Variants in CLTB observed in about 807,000 individuals in gnomAD.
CLTB encodes the protein clathrin light chain B.
Under a neutral mutation model 30.5 loss-of-function variants are expected in CLTB, and 10 were observed. That is an observed-to-expected ratio of 0.33 (90% confidence interval 0.20 to 0.56). The LOEUF (loss-of-function observed/expected upper bound fraction) is 0.56, where lower values mean the gene tolerates loss of function less well. Ranked by LOEUF, CLTB falls within the 20% of genes least tolerant of loss-of-function variation. CLTB has a pLI of 0.91. For missense variants in CLTB, 261 were observed against 308.3 expected, an observed-to-expected ratio of 0.85 and a Z score of 1.15; for synonymous variants, 102 against 120.3, an observed-to-expected ratio of 0.85 and a Z score of 1.00.
chr5:176,408,083 C>A (rs1757223908), intron 2 of CLTB, among the ~76,000 whole-genome samples: 1 of 151,972 alleles, frequency 6.6e-6, no homozygotes, highest in South Asian at 2.1e-4. Context: ...GGCTGGGGGG[C>A]CGAGGTGAGG....
At chr5:176,394,199 G>A (rs978575446) in intron 5 of CLTB, among the ~76,000 whole-genome samples, 3 of 152,180 alleles carry the variant, frequency 2.0e-5, no homozygotes, top group African/African-American at 7.2e-5. Flanking sequence ...AGCTATCCTC[G>A]GAGCTGTCCC....
Position 176,393,893 on chromosome 5 carries a change from C to T in CLTB, c.519-948G>A, listed in dbSNP as rs938430497. Among the ~76,000 whole-genome samples, 2 of 152,108 alleles carry T rather than the reference C, an allele frequency of 1.3e-5. No homozygotes were observed. Among genetic ancestry groups the T allele is most frequent in the Non-Finnish European group, 1.5e-5 (1 of 68,024 alleles). Reference sequence around the variant, plus strand: ...CTGGGTCTATGTCCTGTTTGGCCAGCGAGGGTCGCTCACAAGTCCCTGGAA... The same window carrying T: ...CTGGGTCTATGTCCTGTTTGGCCAGTGAGGGTCGCTCACAAGTCCCTGGAA... On this transcript the variant is annotated intron_variant, in intron 5 of 5. Coordinates refer to ENST00000310418, the MANE Select transcript of CLTB (RefSeq NM_007097.5). This position sits in a 1 kb window ranked among gnomAD's most constrained non-coding sequence, Gnocchi z 4.4.
chr5:176,415,560 C>T (rs771979741), intron 1 of CLTB, among the ~76,000 whole-genome samples: 4 of 152,150 alleles, frequency 2.6e-5, no homozygotes, highest in Non-Finnish European at 4.4e-5. Context: ...GAAAAAGAAA[C>T]AGGTTTAAAT....
chr5:176,408,992 T>C (rs1757282523), intron 2 of CLTB, among the ~76,000 whole-genome samples: 1 of 152,204 alleles, frequency 6.6e-6, no homozygotes, highest in Non-Finnish European at 1.5e-5. Context: ...TTTTATTTTT[T>C]TGAGATAGAG....
chr5:176,413,989 G>A (rs938479712), intron 1 of CLTB, among the ~76,000 whole-genome samples: 4 of 152,184 alleles, frequency 2.6e-5, no homozygotes, highest in Non-Finnish European at 4.4e-5. Context: ...CCCCTGCCAA[G>A]GACAGAACTT....
chr5:176,415,544 G>A (rs1757650942), intron 1 of CLTB, among the ~76,000 whole-genome samples: 1 of 152,156 alleles, frequency 6.6e-6, no homozygotes, highest in African/African-American at 2.4e-5. Context: ...AAATATATAT[G>A]TAAAAGAAAA....
chr5:176,409,166 C>T (rs984156195), intron 2 of CLTB, among the ~76,000 whole-genome samples: 4 of 151,622 alleles, frequency 2.6e-5, no homozygotes, highest in Non-Finnish European at 4.4e-5. Flanking sequence ...AGTAGAGGTG[C>T]GGTTTCACCG....
At chr5:176,405,300 C>T (rs1030842008) in intron 2 of CLTB, among the ~76,000 whole-genome samples, 2 of 151,862 alleles carry the variant, frequency 1.3e-5, no homozygotes, top group African/African-American at 4.8e-5. Context: ...ACCAGCCTGG[C>T]CAATATAGCG....
chr5:176,393,046 C>T lies in CLTB; in HGVS notation c.519-101G>A. ...CCCAGCCTACTCTGGGGCACTGTGT[C>T]CTCCCCAGCCTTGTGCCCCCCTGAC... On this transcript the variant is annotated intron_variant, in intron 5 of 5. Coordinates refer to ENST00000310418, the MANE Select transcript of CLTB (RefSeq NM_007097.5). The surrounding 1 kb of genome is among the most constrained non-coding windows in gnomAD (Gnocchi z 4.4). 1 of 1,306,626 alleles carries T rather than the reference C, an allele frequency of 7.7e-7. No individual in the cohort carries two copies. The highest frequency in any genetic ancestry group is 1.3e-5 in the South Asian group (1 of 78,728). The allele number at this position is 1,306,626 out of a possible 1,614,324, so 80.9% of individuals were successfully genotyped here. A position where few individuals can be genotyped will look rare whatever the true frequency, so the allele number is the denominator to read the frequency against.
At chr5:176,401,147 C>G (rs1316567106) in intron 2 of CLTB, among the ~76,000 whole-genome samples, 1 of 152,238 alleles carries the variant, frequency 6.6e-6, no homozygotes, top group East Asian at 1.9e-4. Flanking sequence ...ACTGCTGCTC[C>G]TTTCTGGGAA....
intron 2 of CLTB, among the ~76,000 whole-genome samples, chr5:176,404,380 T>C (rs1417966334): frequency 6.6e-6 from 1 of 152,246 alleles, no homozygotes; most frequent in East Asian, 1.9e-4. Flanking sequence ...CGTCCGGGGC[T>C]GCAGAGCACT....
chr5:176,412,623 T>C (rs1045952846), intron 1 of CLTB, among the ~76,000 whole-genome samples: 2 of 152,148 alleles, frequency 1.3e-5, no homozygotes, highest in African/African-American at 4.8e-5. Context: ...CGACAGTGTG[T>C]TTGGCCTGGG....
chr5:176,398,079 C>A (rs1392744258), intron 2 of CLTB, 32 bp from the exon 3 acceptor site: 4 of 1,588,740 alleles, frequency 2.5e-6, no homozygotes, highest in Non-Finnish European at 3.5e-6. Flanking sequence ...GTCTATCCAG[C>A]CAGCACACCT....
intron 5 of CLTB, among the ~76,000 whole-genome samples, chr5:176,394,157 C>T (rs748561981): frequency 1.2e-4 from 19 of 152,296 alleles, no homozygotes; most frequent in Non-Finnish European, 2.2e-4. Context: ...GAAAGTGCTG[C>T]GTGGAGCTGG....
Position 176,397,735 on chromosome 5 carries a change from G to T in CLTB, c.353-17C>A. 6.2e-7 allele frequency: 1 copy of T among 1,606,326 alleles called. No homozygotes were observed. The highest frequency in any genetic ancestry group is 8.5e-7 in the Non-Finnish European group (1 of 1,173,068). On this transcript the variant is annotated splice_polypyrimidine_tract_variant and intron_variant, in intron 3 of 5. Transcript: ENST00000310418. The stretch of plus-strand genomic sequence containing the variant: ...ATGCAGCATCTAGGACCCCACAAGA[G>T]AATGAGTGGCTGCTTTCCAGCTGGG...
Position 176,416,376 on chromosome 5 carries a change from T to A in CLTB, c.-13A>T. 1.3e-6 allele frequency: 2 copies of A among 1,584,020 alleles called. 1 individual carries two copies. Among genetic ancestry groups the A allele is most frequent in the South Asian group, 2.3e-5 (2 of 88,598 alleles). On this transcript the variant is annotated 5_prime_UTR_variant, in exon 1 of 6. Coordinates refer to ENST00000310418, the MANE Select transcript of CLTB (RefSeq NM_007097.5). ...AGTCATCAGCCATTTTCCCCGCGCC[T>A]CCGCCGGAGCCTCCGCTGCGCTCGG... is the stretch of plus-strand genomic sequence containing the variant.
At position 176,410,244 on chromosome 5, in the gene CLTB, G is replaced by C. The variant is rs778872519; in HGVS notation, c.234+13C>G. The C allele has an allele frequency of 6.2e-7, 1 of 1,613,398 alleles. No homozygotes were observed. Among genetic ancestry groups the C allele is most frequent in the Non-Finnish European group, 8.5e-7 (1 of 1,179,418 alleles). The stretch of plus-strand genomic sequence containing the variant: ...GTTGGTCCTTACCACTGCTGAGACA[G>C]AGCCTTGCTTACCTGAAACACATCT... On this transcript the variant is annotated intron_variant, in intron 2 of 5. Coordinates refer to ENST00000310418, the MANE Select transcript of CLTB (RefSeq NM_007097.5).
intron 1 of CLTB, among the ~76,000 whole-genome samples, chr5:176,411,421 T>C (rs1475567954): frequency 6.6e-6 from 1 of 152,214 alleles, no homozygotes. Flanking sequence ...TTGCAGGTGC[T>C]GTTCCCTCTG....
intron 3 of CLTB, 91 bp from the exon 4 acceptor site, chr5:176,397,809 C>A: frequency 2.0e-6 from 3 of 1,498,606 alleles, no homozygotes; most frequent in Non-Finnish European, 2.8e-6. Context: ...CAGGCAGCCA[C>A]AGGGCCGCAC....
Sources: gnomAD v4.1 joint callset for allele counts (sites outside exome capture counted in the v4.1 genomes callset) on GRCh38, gnomAD v4.1.1 for gene constraint, Gnocchi (gnomAD v3.1) non-coding constraint, MANE v1.5 for transcripts, NCBI Gene and HGNC (gene_info 2026-07-23, HGNC 2026-07-21) for gene names.